TAS2R1: variants seen among roughly 807,000 people sequenced by gnomAD.
TAS2R1 encodes taste receptor type 2 member 1.
For synonymous variants in TAS2R1, 141 were observed against 134.2 expected, an observed-to-expected ratio of 1.05 and a Z score of -0.35; for missense variants, 370 against 353.4, an observed-to-expected ratio of 1.05 and a Z score of -0.38.
the TAS2R1 span, among the ~76,000 whole-genome samples, chr5:9,896,191 G>A: frequency 9.9e-5 from 15 of 152,178 alleles, no homozygotes; most frequent in Non-Finnish European, 1.9e-4. Context: ...CCTATCAGAG[G>A]GTGACCACAA....
chr5:9,660,228 T>G (rs1426966493), intron 1 of TAS2R1, among the ~76,000 whole-genome samples: 1 of 10,334 alleles, frequency 9.7e-5, no homozygotes, highest in East Asian at 5.5e-4. Context: ...CCGGCTAATT[T>G]TTTTTTTTTT....
intron 1 of TAS2R1, among the ~76,000 whole-genome samples, chr5:9,689,003 C>A (rs79426407): frequency 0.025 from 3,754 of 152,238 alleles, 51 homozygotes; most frequent in Middle Eastern, 0.041. Context: ...ATCACGGCAT[C>A]AGCACCATTT....
At chr5:9,794,069 G>C in the TAS2R1 span, among the ~76,000 whole-genome samples, 1 of 152,168 alleles carries the variant, frequency 6.6e-6, no homozygotes, top group African/African-American at 2.4e-5. Flanking sequence ...CCAGGGTTTT[G>C]TGTCACCAGG....
At chr5:9,902,432 A>G in the TAS2R1 span, among the ~76,000 whole-genome samples, 1 of 152,074 alleles carries the variant, frequency 6.6e-6, no homozygotes, top group Non-Finnish European at 1.5e-5. Context: ...TTGGCTGGCC[A>G]GCAACCCATG....
chr5:9,689,904 C>A (rs916982604), intron 1 of TAS2R1, among the ~76,000 whole-genome samples: 1 of 152,132 alleles, frequency 6.6e-6, no homozygotes, highest in African/African-American at 2.4e-5. Context: ...TTGCTTACTG[C>A]ACGAATGAGC....
Position 9,687,791 on chromosome 5 carries a change from C to A in TAS2R1, c.-242+24381G>T, listed in dbSNP as rs537901586. On this transcript the variant is annotated intron_variant, in intron 1 of 2. Transcript: ENST00000506620. Reference sequence around the variant, plus strand: ...CCTGTGGAATCCTCCCTTGTCATCACTGATTACCCCTCAGCTGAAATCTTC... The same window carrying A: ...CCTGTGGAATCCTCCCTTGTCATCAATGATTACCCCTCAGCTGAAATCTTC... 7.6e-4 allele frequency among the ~76,000 whole-genome samples: 116 copies of A among 152,344 alleles called. 1 individual carries two copies. The highest frequency in any genetic ancestry group is 2.6e-3 in the African/African-American group (110 of 41,576).
the TAS2R1 span, among the ~76,000 whole-genome samples, chr5:9,788,694 A>G: frequency 3.3e-5 from 5 of 152,362 alleles, no homozygotes; most frequent in East Asian, 1.9e-4. Context: ...GAAATGTGGC[A>G]TCTTGTAGAG....
chr5:9,672,450 G>A (rs879800758), intron 1 of TAS2R1, among the ~76,000 whole-genome samples: 8 of 151,660 alleles, frequency 5.3e-5, no homozygotes, highest in Admixed American at 1.3e-4. Flanking sequence ...AAAAACAAAC[G>A]ACCCCATCAA....
At chr5:9,655,808 A>G (rs1404250522) in intron 2 of TAS2R1, among the ~76,000 whole-genome samples, 1 of 151,826 alleles carries the variant, frequency 6.6e-6, no homozygotes, top group Admixed American at 6.6e-5. Context: ...AAACAACTAC[A>G]TACCATGTCT....
chr5:9,885,523 T>C, the TAS2R1 span, among the ~76,000 whole-genome samples: 1 of 152,210 alleles, frequency 6.6e-6, no homozygotes. Context: ...GATCAAACAT[T>C]TTTCAGTTAT....
At chr5:9,678,817 C>T (rs1230658154) in intron 1 of TAS2R1, among the ~76,000 whole-genome samples, 1 of 152,050 alleles carries the variant, frequency 6.6e-6, no homozygotes, top group Non-Finnish European at 1.5e-5. Context: ...GGAATAATAG[C>T]CAATGGATGC....
chr5:9,881,987 C>A, the TAS2R1 span, among the ~76,000 whole-genome samples: 2 of 152,102 alleles, frequency 1.3e-5, no homozygotes, highest in Non-Finnish European at 2.9e-5. Context: ...GCAATTGCAA[C>A]AAAAGTGAAA....
the TAS2R1 span, among the ~76,000 whole-genome samples, chr5:9,722,075 G>A: frequency 6.6e-6 from 1 of 152,154 alleles, no homozygotes; most frequent in African/African-American, 2.4e-5. Context: ...TGCTCACTCT[G>A]ATGGAGCAAG....
At chr5:9,696,691 G>C (rs1754781170) in intron 1 of TAS2R1, among the ~76,000 whole-genome samples, 1 of 152,152 alleles carries the variant, frequency 6.6e-6, no homozygotes, top group African/African-American at 2.4e-5. Context: ...CAGATGAGAT[G>C]AAACAAAGTG....
upstream of TAS2R1, among the ~76,000 whole-genome samples, chr5:9,632,728 A>T (rs2126475458): frequency 6.6e-6 from 1 of 152,308 alleles, no homozygotes; most frequent in Admixed American, 6.5e-5. Context: ...TCATAAGATG[A>T]CAGCAATTCA....
the TAS2R1 span, among the ~76,000 whole-genome samples, chr5:9,753,776 T>A: frequency 6.6e-6 from 1 of 152,202 alleles, no homozygotes; most frequent in African/African-American, 2.4e-5. Flanking sequence ...GGCTAGCCAG[T>A]TTTCCCAGCA....
the TAS2R1 span, among the ~76,000 whole-genome samples, chr5:9,857,855 G>C: frequency 2.0e-5 from 3 of 152,184 alleles, no homozygotes; most frequent in African/African-American, 7.2e-5. Context: ...ATACCACCTG[G>C]TATGGTTCAT....
At chr5:9,852,277 T>C in the TAS2R1 span, among the ~76,000 whole-genome samples, 18 of 152,102 alleles carry the variant, frequency 1.2e-4, no homozygotes, top group Non-Finnish European at 2.5e-4. Context: ...GGTCCACTAG[T>C]TGTTTTTTTT....
At chr5:9,868,597 G>A in the TAS2R1 span, among the ~76,000 whole-genome samples, 67 of 152,144 alleles carry the variant, frequency 4.4e-4, no homozygotes, top group Non-Finnish European at 2.9e-5. Context: ...CTTCCATGAA[G>A]GTCTCTGACA....
Sources: gnomAD v4.1 joint callset for allele counts (sites outside exome capture counted in the v4.1 genomes callset) on GRCh38, gnomAD v4.1.1 for gene constraint, MANE v1.5 for transcripts, NCBI Gene and HGNC (gene_info 2026-07-23, HGNC 2026-07-21) for gene names.